Variants in PRORP observed in about 807,000 individuals in gnomAD.
PRORP encodes protein only RNase P catalytic subunit, also known as mitochondrial ribonuclease P catalytic subunit.
PRORP carries 51 observed loss-of-function variants against 59.4 expected under a neutral mutation model. The ratio of observed to expected loss-of-function variants is 0.86; its 90% CI spans 0.69 to 1.08. PRORP has a LOEUF of 1.08. Ranked by LOEUF, PRORP falls within the 50% of genes least tolerant of loss-of-function variation. PRORP has a pLI of 0.00. For missense variants in PRORP, 646 were observed against 690.3 expected (o/e 0.94, Z 0.72); for synonymous variants, 231 against 245.6 (o/e 0.94, Z 0.55).
chr14:35,225,496 A>G (rs543376002), intron 5 of PRORP, among the ~76,000 whole-genome samples: 33 of 152,008 alleles, frequency 2.2e-4, no homozygotes, highest in African/African-American at 7.7e-4. Context: ...ACAGGTGTCC[A>G]CCACCATGCT....
intron 5 of PRORP, among the ~76,000 whole-genome samples, chr14:35,197,113 A>G (rs900799887): frequency 5.3e-5 from 8 of 152,178 alleles, no homozygotes; most frequent in Non-Finnish European, 1.0e-4. Context: ...CCAAGCTCCC[A>G]TATCTTTTCT....
At chr14:35,159,368 G>A (rs1007070666) in intron 4 of PRORP, among the ~76,000 whole-genome samples, 5 of 151,690 alleles carry the variant, frequency 3.3e-5, no homozygotes, top group South Asian at 4.2e-4. Flanking sequence ...TTTTTCCTTC[G>A]TGACTATCTC....
intron 5 of PRORP, among the ~76,000 whole-genome samples, chr14:35,182,432 G>A (rs182029798): frequency 6.6e-6 from 1 of 151,922 alleles, no homozygotes; most frequent in Non-Finnish European, 1.5e-5. Flanking sequence ...ATCACCTGAG[G>A]TCAGGAGTTG....
chr14:35,150,531 G>A (rs2047719020), intron 4 of PRORP, among the ~76,000 whole-genome samples: 1 of 152,148 alleles, frequency 6.6e-6, no homozygotes, highest in African/African-American at 2.4e-5. Context: ...AAAGTTAAAA[G>A]GACAAGCAGG....
At chr14:35,212,432 A>G (rs2139174721) in intron 5 of PRORP, among the ~76,000 whole-genome samples, 1 of 152,338 alleles carries the variant, frequency 6.6e-6, no homozygotes, top group South Asian at 2.1e-4. Context: ...TTCTGAAATA[A>G]TAAGATTTGA....
At position 35,123,238 on chromosome 14, in the gene PRORP, A is replaced by G. The variant is rs767278272; in HGVS notation, c.-8A>G. 2.5e-6 allele frequency: 4 copies of G among 1,601,596 alleles called. No homozygotes were observed. The highest frequency in any genetic ancestry group is 2.2e-5 in the East Asian group (1 of 44,702). The stretch of plus-strand genomic sequence containing the variant: ...TCTCTCACTATCTGGTGCTGATCTC[A>G]CTGCATAATGACTTTCTATTTGTTT... On this transcript the variant is annotated 5_prime_UTR_variant, in exon 2 of 8. Coordinates refer to ENST00000534898, the MANE Select transcript of PRORP (RefSeq NM_014672.4).
At chr14:35,225,916 AAG>A (rs893518283) in intron 5 of PRORP, among the ~76,000 whole-genome samples, 4 of 152,250 alleles carry the variant, frequency 2.6e-5, no homozygotes, top group Middle Eastern at 3.4e-3. Flanking sequence ...CAAATGAGAA[AAG>A]AGCTTAAGAA....
chr14:35,199,583 C>G (rs949888859), intron 5 of PRORP, among the ~76,000 whole-genome samples: 1 of 152,100 alleles, frequency 6.6e-6, no homozygotes, highest in Admixed American at 6.6e-5. Flanking sequence ...ACACAGTGTT[C>G]AAGGTGCCAT....
At chr14:35,146,250 G>A (rs1480613679) in intron 4 of PRORP, among the ~76,000 whole-genome samples, 1 of 152,140 alleles carries the variant, frequency 6.6e-6, no homozygotes, top group Non-Finnish European at 1.5e-5. Flanking sequence ...AAGAAAAAAA[G>A]GCAGGCAAAT....
intron 5 of PRORP, among the ~76,000 whole-genome samples, chr14:35,193,071 A>G (rs770592896): frequency 7.3e-5 from 11 of 151,678 alleles, no homozygotes; most frequent in Non-Finnish European, 1.5e-4. Flanking sequence ...ATACCTACCC[A>G]TAATTCAGTC....
chr14:35,149,809 C>T (rs1186034495), intron 4 of PRORP, among the ~76,000 whole-genome samples: 1 of 152,136 alleles, frequency 6.6e-6, no homozygotes, highest in Non-Finnish European at 1.5e-5. Context: ...AAGTTTGGTA[C>T]CTAGCTTTTG....
intron 4 of PRORP, among the ~76,000 whole-genome samples, chr14:35,164,125 C>G (rs2048125569): frequency 6.6e-6 from 1 of 152,082 alleles, no homozygotes. Flanking sequence ...TTCCATTGGT[C>G]TCTATATCTG....
chr14:35,240,889 A>G (rs2050348954), intron 5 of PRORP, among the ~76,000 whole-genome samples: 1 of 152,164 alleles, frequency 6.6e-6, no homozygotes, highest in South Asian at 2.1e-4. Context: ...ATAGCCCTCC[A>G]TATTTGTGGG....
intron 5 of PRORP, among the ~76,000 whole-genome samples, chr14:35,199,332 TA>T (rs1167921225): frequency 0.063 from 6,780 of 107,108 alleles, 307 homozygotes; most frequent in African/African-American, 0.15. Context: ...AGACTCCATC[TA>T]AAAAAAAAAA....
intron 5 of PRORP, among the ~76,000 whole-genome samples, chr14:35,191,392 C>T (rs1045462724): frequency 2.0e-5 from 3 of 152,098 alleles, no homozygotes; most frequent in Admixed American, 1.3e-4. Context: ...TATAAATTAC[C>T]CAGTTTTGGG....
chr14:35,127,581 A>G lies in PRORP; in HGVS notation c.1137A>G (p.Gly379=), dbSNP rs1377937033. ...KGKIMRDVID[G]GDQYRKTTPQ... Reference sequence around the variant, plus strand: ...AAATCATGAGGGATGTGATAGATGGAGGTGACCAGTACAGAAAGACAACAC... The same window carrying G: ...AAATCATGAGGGATGTGATAGATGGGGGTGACCAGTACAGAAAGACAACAC... The change falls in exon 4 of 8, where the codon GGA becomes GGG. Residue 379 remains glycine, a synonymous_variant. Coordinates refer to ENST00000534898, the MANE Select transcript of PRORP (RefSeq NM_014672.4). 5 of 1,613,928 alleles carry G rather than the reference A, an allele frequency of 3.1e-6. No individual in the cohort carries two copies. Among genetic ancestry groups the G allele is most frequent in the Non-Finnish European group, 3.4e-6 (4 of 1,179,960 alleles).
chr14:35,153,088 C>T (rs1299372576), intron 4 of PRORP, among the ~76,000 whole-genome samples: 1 of 152,246 alleles, frequency 6.6e-6, no homozygotes, highest in East Asian at 1.9e-4. Context: ...CACTGCACTC[C>T]AGCCTGGGCA....
intron 4 of PRORP, among the ~76,000 whole-genome samples, chr14:35,132,784 C>CA (rs142694889): frequency 0.047 from 3,393 of 72,486 alleles, 97 homozygotes; most frequent in African/African-American, 0.11. Context: ...GAGACTCCAT[C>CA]AAAAAAAAAA....
rs977537426 is a variant in PRORP at position 35,277,207 on chromosome 14, G to A, written c.*3641G>A. The A allele has an allele frequency of 1.3e-5, 2 of 152,140 alleles. No homozygotes were observed. The highest frequency in any genetic ancestry group is 6.6e-5 in the Admixed American group (1 of 15,266). 9.4% of individuals were successfully genotyped at this position (152,140 alleles called of 1,614,324 possible). ...CGCCTGGCTAATTTTTGCATTTTTA[G>A]TAGAGACGGGTTTTCACCATGTTGC... On this transcript the variant is annotated 3_prime_UTR_variant, in exon 8 of 8. Transcript: ENST00000534898.
Sources: allele counts gnomAD v4.1 joint callset (sites outside exome capture counted in the v4.1 genomes callset), GRCh38; gene constraint gnomAD v4.1.1; transcripts MANE v1.5; gene names NCBI Gene and HGNC (gene_info 2026-07-23, HGNC 2026-07-21).